DNAAF11: variants seen among roughly 807,000 people sequenced by gnomAD.
DNAAF11 encodes the protein leucine rich repeat containing 6.
DNAAF11 carries 45 observed loss-of-function variants against 60.8 expected under a neutral mutation model. That is an observed-to-expected ratio of 0.74 (90% confidence interval 0.58 to 0.95). The LOEUF is 0.95. Among genes scored for constraint, DNAAF11 ranks in the 40% least tolerant of loss-of-function variants. The probability of loss-of-function intolerance (pLI) is 0.00; values close to 1 mark genes in which losing one functional copy is unlikely to be tolerated. For missense variants in DNAAF11, 546 were observed against 546.2 expected, an observed-to-expected ratio of 1.00 and a Z score of 0.00; for synonymous variants, 191 against 183.5, an observed-to-expected ratio of 1.04 and a Z score of -0.33.
rs139642047 is a variant in DNAAF11 at position 132,674,271 on chromosome 8, G to A, written c.10+1213C>T. Among the ~76,000 whole-genome samples the A allele has an allele frequency of 2.3e-3, 356 of 151,824 alleles. 3 individuals are homozygous for A. The highest frequency in any genetic ancestry group is 8.3e-3 in the African/African-American group (344 of 41,214). ...CTAGGGTGAGACCAGGGGATGGGGA[G>A]ACAGCCCTGAGAAGAGAGGAAGAAA... is the stretch of plus-strand genomic sequence containing the variant. On this transcript the variant is annotated intron_variant, in intron 1 of 11. Coordinates refer to ENST00000620350, the MANE Select transcript of DNAAF11 (RefSeq NM_012472.6).
intron 10 of DNAAF11, among the ~76,000 whole-genome samples, chr8:132,602,029 C>T (rs774880612): frequency 2.0e-5 from 3 of 151,960 alleles, no homozygotes. Context: ...TTACTGTCTT[C>T]GTTAATATTT....
intron 10 of DNAAF11, chr8:132,608,644 C>T: frequency 3.6e-6 from 1 of 275,780 alleles, no homozygotes; most frequent in East Asian, 8.3e-5. Context: ...TTAGAAGTTT[C>T]ACACAGACAC....
chr8:132,669,097 T>C (rs1252005824), intron 1 of DNAAF11, among the ~76,000 whole-genome samples: 6 of 152,104 alleles, frequency 3.9e-5, no homozygotes. Flanking sequence ...CCTAAGGCCT[T>C]TGTTAGACAT....
chr8:132,689,764 C>T, the DNAAF11 span, among the ~76,000 whole-genome samples: 3 of 152,034 alleles, frequency 2.0e-5, no homozygotes, highest in Non-Finnish European at 2.9e-5. Flanking sequence ...CACTCTGCCA[C>T]CCAGGCTGAA....
intron 1 of DNAAF11, among the ~76,000 whole-genome samples, chr8:132,662,315 G>A (rs535042257): frequency 2.0e-5 from 3 of 152,282 alleles, no homozygotes; most frequent in South Asian, 2.1e-4. Flanking sequence ...TCAGCAGTAC[G>A]TGAGGAAGAC....
chr8:132,643,642 GA>G, intron 3 of DNAAF11: 1 of 456,212 alleles, frequency 2.2e-6, no homozygotes, highest in Non-Finnish European at 4.4e-6. Context: ...TGGTGTGAGA[GA>G]ACAAAATCTG....
At chr8:132,579,857 C>T (rs1273095721) in intron 11 of DNAAF11, among the ~76,000 whole-genome samples, 2 of 151,922 alleles carry the variant, frequency 1.3e-5, no homozygotes, top group South Asian at 2.1e-4. Flanking sequence ...ATTAGCTGGG[C>T]GTGGTGGCAG....
the DNAAF11 span, among the ~76,000 whole-genome samples, chr8:132,697,374 T>C: frequency 6.6e-6 from 1 of 152,122 alleles, no homozygotes; most frequent in African/African-American, 2.4e-5. Context: ...TCCCAGCACT[T>C]TGGGAGGCCG....
chr8:132,595,911 T>C (rs1328785065), intron 10 of DNAAF11, among the ~76,000 whole-genome samples: 1 of 151,940 alleles, frequency 6.6e-6, no homozygotes, highest in Non-Finnish European at 1.5e-5. Context: ...TGGGAGGTGA[T>C]GGTGGGAGGT....
chr8:132,696,779 G>C, the DNAAF11 span, among the ~76,000 whole-genome samples: 1 of 152,162 alleles, frequency 6.6e-6, no homozygotes, highest in Non-Finnish European at 1.5e-5. Context: ...CTTAGCAAAT[G>C]AATGCAGAAA....
the DNAAF11 span, among the ~76,000 whole-genome samples, chr8:132,696,675 G>C: frequency 6.6e-6 from 1 of 152,196 alleles, no homozygotes; most frequent in Non-Finnish European, 1.5e-5. Context: ...TAAAGAAAAT[G>C]TGGTGCATAT....
intron 3 of DNAAF11, among the ~76,000 whole-genome samples, chr8:132,653,870 T>C (rs1002599243): frequency 6.6e-6 from 1 of 152,050 alleles, no homozygotes; most frequent in Non-Finnish European, 1.5e-5. Context: ...ATAAGATATA[T>C]AGAAAACACA....
intron 3 of DNAAF11, among the ~76,000 whole-genome samples, chr8:132,649,789 A>C (rs988331342): frequency 1.3e-5 from 2 of 152,262 alleles, no homozygotes; most frequent in African/African-American, 2.4e-5. Flanking sequence ...ACTGGCCATC[A>C]GAGAAATGCA....
intron 3 of DNAAF11, among the ~76,000 whole-genome samples, chr8:132,639,903 A>C (rs961682260): frequency 1.3e-5 from 2 of 152,222 alleles, no homozygotes; most frequent in African/African-American, 4.8e-5. Flanking sequence ...TGTCTAACAT[A>C]GAGAAAAGAT....
the DNAAF11 span, among the ~76,000 whole-genome samples, chr8:132,690,705 C>T: frequency 6.6e-6 from 1 of 152,170 alleles, no homozygotes; most frequent in African/African-American, 2.4e-5. Context: ...CCTTAGGCTC[C>T]TCTTCGCCAT....
At chr8:132,637,813 G>T in intron 4 of DNAAF11, 122 bp downstream of exon 4, 1 of 738,766 alleles carries the variant, frequency 1.4e-6, no homozygotes, top group Non-Finnish European at 2.2e-6. Flanking sequence ...ATTACTTTGG[G>T]CTCTCTGGAA....
At chr8:132,588,641 G>A (rs16904711) in intron 10 of DNAAF11, among the ~76,000 whole-genome samples, 2,485 of 152,292 alleles carry the variant, frequency 0.016, 45 homozygotes, top group African/African-American at 0.051. Flanking sequence ...GGAGGGAGCT[G>A]TGCTAGAAAG....
chr8:132,637,962 G>T lies in DNAAF11; in HGVS notation c.402C>A (p.Phe134Leu). The change falls in exon 4 of 12, where the codon TTC becomes TTA. Residue 134 changes from phenylalanine to leucine, a missense_variant. Coordinates refer to ENST00000620350, the MANE Select transcript of DNAAF11 (RefSeq NM_012472.6). The stretch of plus-strand genomic sequence containing the variant: ...TTAATTGTGGAAGAGTTGCTACCAC[G>T]AACTCCCTATAGTGGTCAAAGGAAG... ...PCASFDHYRE[F>L]VVATLPQLKW... 6.2e-7 allele frequency: 1 copy of T among 1,610,496 alleles called. No homozygotes were observed. Among genetic ancestry groups the T allele is most frequent in the Non-Finnish European group, 8.5e-7 (1 of 1,178,650 alleles).
chr8:132,591,836 T>C (rs925996120), intron 10 of DNAAF11, among the ~76,000 whole-genome samples: 1 of 152,256 alleles, frequency 6.6e-6, no homozygotes, highest in South Asian at 2.1e-4. Context: ...TTGTAAATAA[T>C]GAAATAATTA....
Sources: gnomAD v4.1 joint callset for allele counts (sites outside exome capture counted in the v4.1 genomes callset) on GRCh38, gnomAD v4.1.1 for gene constraint, MANE v1.5 for transcripts, NCBI Gene and HGNC (gene_info 2026-07-23, HGNC 2026-07-21) for gene names.